The following IBTK variants were observed in gnomAD, a reference collection of about 807,000 sequenced individuals.
IBTK encodes BTK-binding protein.
IBTK carries 83 observed loss-of-function variants against 154.9 expected under a neutral mutation model. That is an observed-to-expected ratio of 0.54 (90% confidence interval 0.45 to 0.64). The LOEUF (loss-of-function observed/expected upper bound fraction) is 0.64, where lower values mean the gene tolerates loss of function less well. IBTK is among the 30% of genes least tolerant of loss of function. The pLI is 0.00. For missense variants in IBTK, 1,332 were observed against 1,584.6 expected, an observed-to-expected ratio of 0.84 and a Z score of 2.71; for synonymous variants, 515 against 536.1, an observed-to-expected ratio of 0.96 and a Z score of 0.54.
chr6:82,201,006 G>A (rs894120935), intron 19 of IBTK, among the ~76,000 whole-genome samples: 1 of 151,882 alleles, frequency 6.6e-6, no homozygotes, highest in Non-Finnish European at 1.5e-5. Flanking sequence ...ACAAGAGGGG[G>A]TTAAATTTTG....
chr6:82,236,704 C>A (rs1770730980), intron 2 of IBTK, among the ~76,000 whole-genome samples: 1 of 152,144 alleles, frequency 6.6e-6, no homozygotes, highest in Non-Finnish European at 1.5e-5. Context: ...AATTTAAATT[C>A]ATTAAAATGT....
chr6:82,209,787 C>T (rs1185198837), intron 16 of IBTK, among the ~76,000 whole-genome samples: 7 of 152,170 alleles, frequency 4.6e-5, no homozygotes, highest in Non-Finnish European at 8.8e-5. Flanking sequence ...ATCTTACTCT[C>T]AAGTATACAA....
intron 6 of IBTK, 74 bp from the exon 7 acceptor site, chr6:82,224,259 AC>A: frequency 9.7e-7 from 1 of 1,033,996 alleles, no homozygotes; most frequent in South Asian, 1.3e-5. Flanking sequence ...GATCCAGCAG[AC>A]CAGCAAATAT....
intron 21 of IBTK, among the ~76,000 whole-genome samples, chr6:82,198,628 A>G (rs1385384719): frequency 6.6e-6 from 1 of 151,950 alleles, no homozygotes; most frequent in African/African-American, 2.4e-5. Context: ...AAAACAATGT[A>G]CTCTTCTATT....
chr6:82,200,287 T>C (rs1769154155), intron 20 of IBTK, 34 bp from the exon 21 acceptor site: 6 of 1,441,330 alleles, frequency 4.2e-6, no homozygotes, highest in Non-Finnish European at 5.8e-6. Context: ...CAGCAGTGTT[T>C]AGGGAGGTAA....
intron 26 of IBTK, among the ~76,000 whole-genome samples, chr6:82,180,234 GT>G (rs536240182): frequency 6.6e-6 from 1 of 151,944 alleles, no homozygotes; most frequent in East Asian, 1.9e-4. Context: ...TCCATTTAAG[GT>G]TTTTTTATTT....
chr6:82,191,878 G>A lies in IBTK; in HGVS notation c.3340C>T (p.Pro1114Ser). 1 of 1,587,890 alleles carries A rather than the reference G, an allele frequency of 6.3e-7. No individual in the cohort carries two copies. Among genetic ancestry groups the A allele is most frequent in the South Asian group, 1.1e-5 (1 of 88,920 alleles). Residue 1114 changes from proline (P) to serine (S), a missense_variant and splice_region_variant, in exon 24 of 29, where the codon CCT (proline) becomes TCT (serine). Around this residue, in one of 3 missense-constraint regions of IBTK, gnomAD observed 1,134 missense variants for 1,274.7 expected, o/e 0.89. Transcript: ENST00000306270. Reference sequence around the variant, plus strand: ...AGATCCACAACAGGAGGGCTGACAGGACTAAAAGACATAAAAGGTTACTTT... The same window carrying A: ...AGATCCACAACAGGAGGGCTGACAGAACTAAAAGACATAAAAGGTTACTTT... The part of the protein sequence containing the change: ...SASWVAGSFS[P>S]VSPPVVDLRT...
intron 23 of IBTK, 68 bp downstream of exon 23, chr6:82,194,411 A>G: frequency 9.6e-7 from 1 of 1,039,872 alleles, no homozygotes; most frequent in Non-Finnish European, 1.3e-6. Flanking sequence ...TCATTAAAAA[A>G]TTAAATTGCA....
Position 82,214,397 on chromosome 6 carries a change from G to T in IBTK, c.2034C>A (p.Asn678Lys), listed in dbSNP as rs773843337. 1 of 1,613,860 alleles carries T rather than the reference G, an allele frequency of 6.2e-7. No individual in the cohort carries two copies. The highest frequency in any genetic ancestry group is 1.1e-5 in the South Asian group (1 of 91,080). The change falls in exon 12 of 29, where the codon AAC becomes AAA. Residue 678 changes from asparagine to lysine, a missense_variant. Asn to Lys is a moderately conservative substitution (Grantham distance 94, BLOSUM62 0). This residue lies in a region of IBTK where 1,134 missense variants were observed against 1,274.7 expected (regional missense o/e 0.89). Transcript: ENST00000306270. ...LNKVNFHEDD[N>K]QKSAFEVYKS... ...TGTAAACTTCAAATGCAGACTTCTG[G>T]TTATCATCTTCATGGAAATTCACTT...
intron 6 of IBTK, 41 bp downstream of exon 6, chr6:82,225,436 T>C: frequency 6.6e-7 from 1 of 1,518,672 alleles, no homozygotes; most frequent in Non-Finnish European, 9.0e-7. Context: ...CAGGTTTTAT[T>C]GCAAATGTAA....
In IBTK at chr6:82,207,860, A is replaced by T. The variant is rs538609936; in HGVS notation, c.2510-2902T>A. On this transcript the variant is annotated intron_variant, in intron 16 of 28. Coordinates refer to ENST00000306270, the MANE Select transcript of IBTK (RefSeq NM_015525.4). ...GTCTTTTCAACAAATGGTACTCAAAAAATAGGACATACAGATGTAAAAGAA... is the reference window on the plus strand; with the variant it reads ...GTCTTTTCAACAAATGGTACTCAAATAATAGGACATACAGATGTAAAAGAA... 2.7e-4 allele frequency among the ~76,000 whole-genome samples: 41 copies of T among 152,282 alleles called. 1 individual carries two copies. Among genetic ancestry groups the T allele is most frequent in the Non-Finnish European group, 5.0e-4 (34 of 67,996 alleles).
chr6:82,191,770 TA>T lies in IBTK; in HGVS notation c.3431+16del. The stretch of plus-strand genomic sequence containing the variant: ...AAATACAACATGAAATGATCTTTTG[TA>T]ATGTTTTCAACCCACCCTAAATGTG... On this transcript the variant is annotated intron_variant, in intron 24 of 28. Coordinates refer to ENST00000306270, the MANE Select transcript of IBTK (RefSeq NM_015525.4). The T allele has an allele frequency of 7.1e-7, 1 of 1,409,932 alleles. No individual in the cohort carries two copies. The highest frequency in any genetic ancestry group is 1.0e-6 in the Non-Finnish European group (1 of 994,164). The allele number at this position is 1,409,932 out of a possible 1,614,324, so 87.3% of individuals were successfully genotyped here.
At chr6:82,241,408 G>T (rs1770946553) in intron 1 of IBTK, among the ~76,000 whole-genome samples, 1 of 152,026 alleles carries the variant, frequency 6.6e-6, no homozygotes, top group Non-Finnish European at 1.5e-5. Flanking sequence ...AAGTACCCAG[G>T]CACTGTGTTA....
rs185865013 is a variant in IBTK, at chr6:82,239,207, C to T, written c.321+959G>A. On this transcript the variant is annotated intron_variant, in intron 2 of 28. Coordinates refer to ENST00000306270, the MANE Select transcript of IBTK (RefSeq NM_015525.4). ...CTGTAATCCCAGCACTTTGGGAGGCCGAGGTGGGTGGATCACGAGGTCAGG... is the reference window on the plus strand; with the variant it reads ...CTGTAATCCCAGCACTTTGGGAGGCTGAGGTGGGTGGATCACGAGGTCAGG... 6.9e-3 allele frequency among the ~76,000 whole-genome samples: 1,047 copies of T among 151,740 alleles called. 9 individuals carry two copies. Among genetic ancestry groups the T allele is most frequent in the African/African-American group, 0.023 (939 of 41,422 alleles).
At chr6:82,197,664 T>C (rs1769052135) in intron 21 of IBTK, among the ~76,000 whole-genome samples, 1 of 152,180 alleles carries the variant, frequency 6.6e-6, no homozygotes, top group Admixed American at 6.5e-5. Flanking sequence ...AGCCACTGCG[T>C]CTTGCCTCTT....
In IBTK at chr6:82,223,490, C is replaced by G; in HGVS notation, c.1074G>C (p.Arg358Ser). The change falls in exon 8 of 29, where the codon AGG becomes AGC. Residue 358 changes from arginine to serine, a missense_variant. Arg to Ser is a moderately radical substitution (Grantham distance 110). Transcript: ENST00000306270. Reference sequence around the variant, plus strand: ...AGTCTGCAAGTAAGTAAATATCTCCCCTTGTGGTAACACAGACTGTAGCTC... The same window carrying G: ...AGTCTGCAAGTAAGTAAATATCTCCGCTTGTGGTAACACAGACTGTAGCTC... ...SDGATVCVTT[R>S]GDIYLLADYQ... The G allele has an allele frequency of 6.2e-7, 1 of 1,613,988 alleles. No homozygotes were observed. The highest frequency in any genetic ancestry group is 8.5e-7 in the Non-Finnish European group (1 of 1,179,916).
chr6:82,211,357 T>C lies in IBTK; in HGVS notation c.2412+10A>G. Reference sequence around the variant, plus strand: ...GTTACCAACCTAGGCGCTTTTTACTTAAATCTTACCTCAATCCATGAGCTA... The same window carrying C: ...GTTACCAACCTAGGCGCTTTTTACTCAAATCTTACCTCAATCCATGAGCTA... On this transcript the variant is annotated intron_variant, in intron 15 of 28. Coordinates refer to ENST00000306270, the MANE Select transcript of IBTK (RefSeq NM_015525.4). The C allele has an allele frequency of 6.3e-7, 1 of 1,591,880 alleles. No individual in the cohort carries two copies. The highest frequency in any genetic ancestry group is 8.5e-7 in the Non-Finnish European group (1 of 1,173,166).
chr6:82,227,337 C>CT, intron 4 of IBTK, 35 bp from the exon 5 acceptor site: 2 of 1,241,360 alleles, frequency 1.6e-6, no homozygotes, highest in Non-Finnish European at 2.3e-6. Flanking sequence ...TTAAACTTCT[C>CT]TGAATAAAAT....
intron 23 of IBTK, 126 bp from the exon 24 acceptor site, chr6:82,192,005 G>T: frequency 1.7e-6 from 1 of 576,172 alleles, no homozygotes; most frequent in Non-Finnish European, 3.1e-6. Context: ...TTTATCAGCT[G>T]TGAGCCAGTT....
Sources: allele counts gnomAD v4.1 joint callset (sites outside exome capture counted in the v4.1 genomes callset), GRCh38; gene constraint gnomAD v4.1.1; regional missense constraint gnomAD v4.1.1; transcripts MANE v1.5; gene names NCBI Gene and HGNC (gene_info 2026-07-23, HGNC 2026-07-21).